Variants in HHAT observed in about 807,000 individuals in gnomAD.
The protein encoded by HHAT is hedgehog acyltransferase.
In HHAT, 47 loss-of-function variants were observed where a neutral mutation model predicts 70.8. The observed-to-expected ratio is 0.66, with a 90% CI of 0.53 to 0.85. The LOEUF is 0.85. Among genes scored for constraint, HHAT ranks in the 40% least tolerant of loss-of-function variants. HHAT has a pLI of 0.00. For synonymous variants in HHAT, 228 were observed against 247.6 expected (o/e 0.92, Z 0.74); for missense variants, 609 against 604.8 (o/e 1.01, Z -0.07).
In HHAT at chr1:210,349,302, G is replaced by A. The variant is rs569050597; in HGVS notation, c.91+236G>A. Among the ~76,000 whole-genome samples the A allele has an allele frequency of 6.6e-5, 10 of 152,224 alleles. No homozygotes were observed. The South Asian group carries it at 1.0e-3, about 16-fold the overall frequency. ...CTTGTCTTCTATAATTGGTGGGTTT[G>A]ATTCAAAAGCTATTGAAGGCCGTGG... is the stretch of plus-strand genomic sequence containing the variant. On this transcript the variant is annotated intron_variant, in intron 2 of 11. Coordinates refer to ENST00000261458, the MANE Select transcript of HHAT (RefSeq NM_018194.6).
intron 11 of HHAT, among the ~76,000 whole-genome samples, chr1:210,627,453 T>C (rs1419908959): frequency 2.0e-5 from 3 of 152,150 alleles, no homozygotes; most frequent in Non-Finnish European, 4.4e-5. Context: ...AAGTTTATTT[T>C]AGTGATTTCC....
intron 1 of HHAT, among the ~76,000 whole-genome samples, chr1:210,332,299 T>C (rs1053013287): frequency 6.6e-6 from 1 of 152,260 alleles, no homozygotes; most frequent in Non-Finnish European, 1.5e-5. Flanking sequence ...GCAGCTGTGG[T>C]GTTGGTTAGC....
At chr1:210,327,759 G>A (rs1013040438), upstream of HHAT, among the ~76,000 whole-genome samples, 12 of 152,000 alleles carry the variant, frequency 7.9e-5, no homozygotes, top group Non-Finnish European at 1.6e-4. Context: ...TCCTGCTACC[G>A]CTCCTAAAGT....
chr1:210,435,062 C>A (rs1558510244), intron 7 of HHAT, among the ~76,000 whole-genome samples: 1 of 151,890 alleles, frequency 6.6e-6, no homozygotes, highest in East Asian at 1.9e-4. Context: ...ATCTATTGAA[C>A]AGCAGGTCTT....
intron 1 of HHAT, among the ~76,000 whole-genome samples, chr1:210,342,815 A>T (rs896879833): frequency 6.6e-6 from 1 of 152,218 alleles, no homozygotes; most frequent in Non-Finnish European, 1.5e-5. Context: ...TGGACATTTT[A>T]AAAAGGTTCC....
intron 8 of HHAT, among the ~76,000 whole-genome samples, chr1:210,507,212 G>T (rs1330784549): frequency 6.6e-6 from 1 of 152,120 alleles, no homozygotes. Flanking sequence ...TTGTGGTGAA[G>T]ATTAAAAATT....
chr1:210,353,451 TTTTAA>T (rs772206220), intron 2 of HHAT, among the ~76,000 whole-genome samples: 10 of 128,290 alleles, frequency 7.8e-5, no homozygotes, highest in East Asian at 2.2e-4. Context: ...TTTTTTTTTT[TTTTAA>T]AAAAAAGCAC....
In HHAT at chr1:210,446,274, A is replaced by G. The variant is rs376626159; in HGVS notation, c.857-18231A>G. ...TATTGAGGTTATGAACCTACCGCTTATATATATGAGTTTTTAGATAGCAGA... is the reference window on the plus strand; with the variant it reads ...TATTGAGGTTATGAACCTACCGCTTGTATATATGAGTTTTTAGATAGCAGA... On this transcript the variant is annotated intron_variant, in intron 7 of 11. Coordinates refer to ENST00000261458, the MANE Select transcript of HHAT (RefSeq NM_018194.6). Among the ~76,000 whole-genome samples the G allele has an allele frequency of 1.2e-4, 19 of 152,276 alleles. No homozygotes were observed. In the East Asian group the frequency reaches 3.7e-3, roughly 29 times the overall value.
intron 9 of HHAT, among the ~76,000 whole-genome samples, chr1:210,567,269 C>T (rs758259344): frequency 8.5e-5 from 13 of 152,172 alleles, no homozygotes; most frequent in Admixed American, 5.2e-4. Context: ...TCAAAGAGAA[C>T]GTGCATCACT....
chr1:210,465,930 G>C (rs954075082), intron 8 of HHAT, among the ~76,000 whole-genome samples: 12 of 133,908 alleles, frequency 9.0e-5, no homozygotes, highest in African/African-American at 3.1e-4. Flanking sequence ...GAATTGCAAG[G>C]AATTGCAAGG....
intron 8 of HHAT, among the ~76,000 whole-genome samples, chr1:210,489,552 T>G (rs2094520712): frequency 6.6e-6 from 1 of 152,238 alleles, no homozygotes; most frequent in South Asian, 2.1e-4. Context: ...TTTTGCAGCC[T>G]CCTCCAAGTA....
Position 210,529,949 on chromosome 1 carries a change from G to A in HHAT, c.1043+16761G>A, listed in dbSNP as rs115325198. 1.3e-3 allele frequency among the ~76,000 whole-genome samples: 200 copies of A among 152,274 alleles called. 1 individual carries two copies. The highest frequency in any genetic ancestry group is 4.6e-3 in the African/African-American group (192 of 41,554). On this transcript the variant is annotated intron_variant, in intron 9 of 11. Transcript: ENST00000261458. ...TGTTTGCAACTAAAAACTAAGTTATGTATCAGACTGTATAAATAAGCATGG... is the reference window on the plus strand; with the variant it reads ...TGTTTGCAACTAAAAACTAAGTTATATATCAGACTGTATAAATAAGCATGG...
At chr1:210,329,442 G>A in intron 1 of HHAT, 1 of 1,073,474 alleles carries the variant, frequency 9.3e-7, no homozygotes, top group Non-Finnish European at 1.1e-6. Context: ...GGCAGTATCG[G>A]CGGTGCGCCT....
chr1:210,466,327 G>A (rs886797649), intron 8 of HHAT, among the ~76,000 whole-genome samples: 4 of 152,242 alleles, frequency 2.6e-5, no homozygotes, highest in Admixed American at 1.3e-4. Flanking sequence ...ATCACACGTT[G>A]CCCTGTTTTC....
At chr1:210,491,234 G>A (rs954363577) in intron 8 of HHAT, among the ~76,000 whole-genome samples, 3 of 152,070 alleles carry the variant, frequency 2.0e-5, no homozygotes, top group Admixed American at 6.6e-5. Context: ...ACCATCTCTC[G>A]GAACTGGCCT....
At chr1:210,434,373 T>C (rs903852632) in intron 7 of HHAT, among the ~76,000 whole-genome samples, 1 of 151,884 alleles carries the variant, frequency 6.6e-6, no homozygotes, top group Admixed American at 6.5e-5. Context: ...TATAGCTTTC[T>C]GAAGGCCAGT....
At chr1:210,626,322 A>G (rs1669824746) in intron 11 of HHAT, among the ~76,000 whole-genome samples, 1 of 152,164 alleles carries the variant, frequency 6.6e-6, no homozygotes, top group South Asian at 2.1e-4. Flanking sequence ...GGGACCAGCT[A>G]TGGTCTGTGA....
At chr1:210,338,292 A>G (rs919099328) in intron 1 of HHAT, among the ~76,000 whole-genome samples, 2 of 152,178 alleles carry the variant, frequency 1.3e-5, no homozygotes, top group African/African-American at 4.8e-5. Flanking sequence ...GTAAGCCAAG[A>G]TTGTGCCACT....
intron 1 of HHAT, among the ~76,000 whole-genome samples, chr1:210,344,323 A>C (rs2086311826): frequency 6.6e-6 from 1 of 152,126 alleles, no homozygotes; most frequent in African/African-American, 2.4e-5. Context: ...TGAGTAGAAG[A>C]AAATGGAGTT....
Sources: allele counts gnomAD v4.1 joint callset (sites outside exome capture counted in the v4.1 genomes callset), GRCh38; gene constraint gnomAD v4.1.1; transcripts MANE v1.5; gene names NCBI Gene and HGNC (gene_info 2026-07-23, HGNC 2026-07-21).